The following FBXW7 variants were observed in gnomAD, a reference collection of about 807,000 sequenced individuals.
FBXW7 encodes F-box/WD repeat-containing protein 7.
In FBXW7, 11 loss-of-function variants were observed where a neutral mutation model predicts 86.3. That is an observed-to-expected ratio of 0.13 (90% CI 0.08 to 0.21). The LOEUF (loss-of-function observed/expected upper bound fraction) is 0.21. FBXW7 is among the 10% of genes least tolerant of loss of function. The probability of loss-of-function intolerance (pLI) is 1.00; values close to 1 mark genes in which losing one functional copy is unlikely to be tolerated. For missense variants in FBXW7, 488 were observed against 847.4 expected, an observed-to-expected ratio of 0.58 and a Z score of 5.27; for synonymous variants, 313 against 297.9, an observed-to-expected ratio of 1.05 and a Z score of -0.52.
intron 2 of FBXW7, among the ~76,000 whole-genome samples, chr4:152,461,818 C>T (rs1742976308): frequency 6.6e-6 from 1 of 152,172 alleles, no homozygotes; most frequent in Admixed American, 6.5e-5. Flanking sequence ...TGGACTCAAA[C>T]TGCAAACTTC....
intron 2 of FBXW7, among the ~76,000 whole-genome samples, chr4:152,422,494 T>C (rs936863801): frequency 7.2e-5 from 11 of 152,192 alleles, no homozygotes; most frequent in African/African-American, 2.7e-4. Flanking sequence ...TATGACAATT[T>C]AGAATGAAAA....
chr4:152,535,257 C>A lies in FBXW7; in HGVS notation c.-343G>T, dbSNP rs983231566. On this transcript the variant is annotated 5_prime_UTR_variant, in exon 1 of 14. Transcript: ENST00000281708. ...TAAAGTTTCCTCTGGGTGGAGGCTG[C>A]GGCCGGCCCCCCGGGTCCCCCCCGG... 2 of 243,016 alleles carry A rather than the reference C, an allele frequency of 8.2e-6. No homozygotes were observed. Among genetic ancestry groups the A allele is most frequent in the Non-Finnish European group, 1.6e-5 (2 of 127,012 alleles). 15.1% of individuals were successfully genotyped at this position (243,016 alleles called of 1,614,324 possible).
intron 2 of FBXW7, chr4:152,530,718 G>A (rs952522796): frequency 5.9e-5 from 9 of 152,208 alleles, no homozygotes; most frequent in African/African-American, 2.2e-4. Flanking sequence ...GCTTTGTAGT[G>A]TAATAAAGCT....
At chr4:152,388,986 C>T (rs185638479) in intron 4 of FBXW7, among the ~76,000 whole-genome samples, 13 of 152,014 alleles carry the variant, frequency 8.6e-5, no homozygotes, top group South Asian at 2.1e-4. Flanking sequence ...TGAATAAATA[C>T]TTCTCAAAAG....
intron 2 of FBXW7, among the ~76,000 whole-genome samples, chr4:152,441,164 G>T (rs977328941): frequency 6.6e-6 from 1 of 152,148 alleles, no homozygotes; most frequent in African/African-American, 2.4e-5. Flanking sequence ...TTATTGAGAT[G>T]ACTGAAGCTT....
At chr4:152,461,592 G>C (rs1259914069) in intron 2 of FBXW7, among the ~76,000 whole-genome samples, 2 of 152,112 alleles carry the variant, frequency 1.3e-5, no homozygotes, top group Non-Finnish European at 2.9e-5. Context: ...TAAAGTCCTT[G>C]CTTGCTAAAT....
intron 2 of FBXW7, among the ~76,000 whole-genome samples, chr4:152,504,624 T>A (rs1747244600): frequency 6.6e-6 from 1 of 152,194 alleles, no homozygotes; most frequent in Non-Finnish European, 1.5e-5. Context: ...TATTTTTTGG[T>A]ACTTAATTCA....
intron 4 of FBXW7, among the ~76,000 whole-genome samples, chr4:152,376,244 C>CAA (rs1734507252): frequency 6.6e-6 from 1 of 151,928 alleles, no homozygotes; most frequent in Non-Finnish European, 1.5e-5. Flanking sequence ...CCATTGAACT[C>CAA]AGACTTTGGA....
At chr4:152,501,659 T>C (rs1560974514) in intron 2 of FBXW7, among the ~76,000 whole-genome samples, 1 of 152,192 alleles carries the variant, frequency 6.6e-6, no homozygotes, top group African/African-American at 2.4e-5. Context: ...TCAACTGAAA[T>C]TGAGCTTGCT....
chr4:152,371,847 G>A (rs1734033094), intron 4 of FBXW7, among the ~76,000 whole-genome samples: 1 of 151,914 alleles, frequency 6.6e-6, no homozygotes, highest in African/African-American at 2.4e-5. Context: ...ATTTTGATAT[G>A]TGACCATGAA....
chr4:152,409,408 G>C (rs578262061), intron 4 of FBXW7, among the ~76,000 whole-genome samples: 17 of 152,162 alleles, frequency 1.1e-4, no homozygotes, highest in African/African-American at 3.4e-4. Context: ...ACTAGTGAGA[G>C]CTTCTATTTA....
chr4:152,397,069 T>A (rs1736479995), intron 4 of FBXW7, among the ~76,000 whole-genome samples: 1 of 151,998 alleles, frequency 6.6e-6, no homozygotes, highest in Non-Finnish European at 1.5e-5. Context: ...AGTGAATTAT[T>A]GTTCCTTCTT....
intron 5 of FBXW7, among the ~76,000 whole-genome samples, chr4:152,348,026 T>C (rs1439238101): frequency 2.6e-5 from 4 of 152,128 alleles, no homozygotes; most frequent in Non-Finnish European, 5.9e-5. Context: ...AAAGAAATTC[T>C]CACTCAATTC....
At chr4:152,326,289 TTAA>T in intron 11 of FBXW7, 58 bp from the exon 12 acceptor site, 2 of 1,406,932 alleles carry the variant, frequency 1.4e-6, no homozygotes, top group Non-Finnish European at 2.0e-6. Context: ...TTTAGAATTT[TTAA>T]TAATATGAGA....
intron 4 of FBXW7, among the ~76,000 whole-genome samples, chr4:152,376,194 G>T (rs1303609810): frequency 6.6e-6 from 1 of 152,008 alleles, no homozygotes; most frequent in Non-Finnish European, 1.5e-5. Flanking sequence ...AGAAGTAAAA[G>T]ATATTAAATA....
At chr4:152,393,250 C>T (rs1736139644) in intron 4 of FBXW7, among the ~76,000 whole-genome samples, 1 of 152,050 alleles carries the variant, frequency 6.6e-6, no homozygotes, top group African/African-American at 2.4e-5. Flanking sequence ...TTTAAAAATA[C>T]ATTCAATGGT....
chr4:152,353,058 AT>A, intron 4 of FBXW7: 1 of 1,102,034 alleles, frequency 9.1e-7, no homozygotes, highest in Non-Finnish European at 1.1e-6. Flanking sequence ...TTATTTTTGT[AT>A]TTTGTAAAAC....
At chr4:152,327,931 T>C (rs1428227190) in intron 11 of FBXW7, among the ~76,000 whole-genome samples, 1 of 151,764 alleles carries the variant, frequency 6.6e-6, no homozygotes, top group East Asian at 1.9e-4. Flanking sequence ...TGATGAGTCA[T>C]CAAAGATACA....
intron 2 of FBXW7, among the ~76,000 whole-genome samples, chr4:152,478,611 T>C (rs1177345749): frequency 1.3e-5 from 2 of 152,100 alleles, no homozygotes; most frequent in Non-Finnish European, 2.9e-5. Flanking sequence ...GATACAATCA[T>C]TCTACATCAA....
Sources: allele counts gnomAD v4.1 joint callset (sites outside exome capture counted in the v4.1 genomes callset), GRCh38; gene constraint gnomAD v4.1.1; transcripts MANE v1.5; gene names NCBI Gene and HGNC (gene_info 2026-07-23, HGNC 2026-07-21).